RBBP8: variants seen among roughly 807,000 people sequenced by gnomAD.
RBBP8 encodes the protein DNA endonuclease RBBP8.
RBBP8 carries 88 observed loss-of-function variants against 108.3 expected under a neutral mutation model. That is an observed-to-expected ratio of 0.81 (90% confidence interval 0.68 to 0.97). RBBP8 has a LOEUF of 0.97. RBBP8 is among the 50% of genes least tolerant of loss of function. RBBP8 has a pLI of 0.00. For synonymous variants in RBBP8, 332 were observed against 348.2 expected, an observed-to-expected ratio of 0.95 and a Z score of 0.52; for missense variants, 1,023 against 1,049.0, an observed-to-expected ratio of 0.98 and a Z score of 0.34.
At chr18:23,006,336 T>C in intron 15 of RBBP8, 27 bp from the exon 16 acceptor site, 1 of 1,586,694 alleles carries the variant, frequency 6.3e-7, no homozygotes, top group Non-Finnish European at 8.7e-7. Flanking sequence ...CTACATTTAG[T>C]TTGTAATGTG....
rs1397183327 is a variant in RBBP8, at chr18:22,991,208, A to G, written c.920+159A>G. On this transcript the variant is annotated intron_variant, in intron 10 of 18. Transcript: ENST00000327155. ...AAATTGTCTCCCTAGTTTCTGACCA[A>G]TTGAGAGCTTTTTTGCATTACAGTA... Among the ~76,000 whole-genome samples the G allele has an allele frequency of 5.9e-5, 9 of 152,282 alleles. No individual in the cohort carries two copies. In the South Asian group the frequency reaches 8.3e-4, roughly 14 times the overall value.
At chr18:22,957,291 C>CTTT (rs11418623) in intron 4 of RBBP8, among the ~76,000 whole-genome samples, 952 of 92,862 alleles carry the variant, frequency 0.01, 35 homozygotes, top group South Asian at 0.032. Context: ...ATTACTTTTT[C>CTTT]TTTTTTTTTT....
intron 4 of RBBP8, among the ~76,000 whole-genome samples, chr18:22,961,546 C>T (rs560728442): frequency 3.1e-4 from 47 of 152,310 alleles, no homozygotes; most frequent in African/African-American, 1.1e-3. Context: ...GATGAGAGTG[C>T]CTTATTCTAA....
In RBBP8 at chr18:22,993,595, C is replaced by T; in HGVS notation, c.1768C>T (p.Pro590Ser). The T allele has an allele frequency of 1.2e-6, 2 of 1,614,170 alleles. No individual in the cohort carries two copies. Among genetic ancestry groups the T allele is most frequent in the Non-Finnish European group, 1.7e-6 (2 of 1,180,036 alleles). The part of the protein sequence containing the change: ...ENAVFKIPLR[P>S]RESLETENVL... ...TGCTGTCTTTAAAATTCCTCTACGT[C>T]CACGTGAAAGTTTGGAGACTGAGAA... The change falls in exon 11 of 19, where the codon CCA (proline) becomes TCA (serine). Residue 590 changes from proline to serine, a missense_variant. Physicochemically the swap from Pro to Ser is moderately conservative, Grantham distance 74. Coordinates refer to ENST00000327155, the MANE Select transcript of RBBP8 (RefSeq NM_002894.3).
chr18:22,971,534 C>T (rs1914080476), intron 5 of RBBP8, among the ~76,000 whole-genome samples: 1 of 151,966 alleles, frequency 6.6e-6, no homozygotes, highest in Non-Finnish European at 1.5e-5. Flanking sequence ...TCTTTCTGTA[C>T]CTCTTTTGCC....
rs1373967011 is a variant in RBBP8, at chr18:23,006,481, A to G, written c.2357+49A>G. On this transcript the variant is annotated intron_variant, in intron 16 of 18. Coordinates refer to ENST00000327155, the MANE Select transcript of RBBP8 (RefSeq NM_002894.3). ...AGCAATGTGACTGGAAGTACAATAG[A>G]GCTGTCTTTTATTTCTCTCTCTTTT... The G allele has an allele frequency of 1.4e-5, 20 of 1,394,956 alleles. 1 individual carries two copies. The highest frequency in any genetic ancestry group is 2.0e-5 in the Non-Finnish European group (20 of 981,758). 86.4% of individuals were successfully genotyped at this position (1,394,956 alleles called of 1,614,324 possible).
At position 23,016,916 on chromosome 18, in the gene RBBP8, T is replaced by C. The variant is rs1568005289; in HGVS notation, c.2446T>C (p.Cys816Arg). 2 of 1,610,822 alleles carry C rather than the reference T, an allele frequency of 1.2e-6. No homozygotes were observed. The highest frequency in any genetic ancestry group is 1.7e-6 in the Non-Finnish European group (2 of 1,177,170). Reference sequence around the variant, plus strand: ...ACTGCTTGGGCACACGTGTAAGGAATGTGAAATTGTAAGTACTAATGTAGA... The same window carrying C: ...ACTGCTTGGGCACACGTGTAAGGAACGTGAAATTGTAAGTACTAATGTAGA... ...RKLLGHTCKE[C>R]EIYYADMPAE... is the part of the protein sequence containing the mutation. Residue 816 changes from cysteine to arginine, a missense_variant, in exon 17 of 19, where the codon TGT (cysteine) becomes CGT (arginine). Coordinates refer to ENST00000327155, the MANE Select transcript of RBBP8 (RefSeq NM_002894.3).
chr18:23,003,982 G>A (rs531440326), intron 15 of RBBP8, among the ~76,000 whole-genome samples: 18 of 147,386 alleles, frequency 1.2e-4, no homozygotes, highest in South Asian at 6.5e-4. Context: ...GCGTGAACCC[G>A]GGAGGTGGAA....
intron 2 of RBBP8, 168 bp downstream of exon 2, chr18:22,937,128 G>A (rs1407138221): frequency 4.3e-6 from 6 of 1,383,666 alleles, no homozygotes; most frequent in Admixed American, 4.6e-5. Flanking sequence ...GGGGTTTGGT[G>A]TGCAAATGAT....
intron 12 of RBBP8, among the ~76,000 whole-genome samples, chr18:22,995,524 A>G (rs527784262): frequency 5.3e-5 from 8 of 152,264 alleles, no homozygotes; most frequent in Admixed American, 4.6e-4. Flanking sequence ...TACAACCATC[A>G]CTGTAGTCTA....
intron 2 of RBBP8, among the ~76,000 whole-genome samples, chr18:22,937,271 TA>T (rs1256579466): frequency 2.0e-5 from 3 of 151,234 alleles, no homozygotes; most frequent in Non-Finnish European, 4.4e-5. Context: ...CCATGTGTAC[TA>T]AATGTGTAGC....
At chr18:22,968,506 G>T (rs989233442) in intron 4 of RBBP8, among the ~76,000 whole-genome samples, 1 of 152,182 alleles carries the variant, frequency 6.6e-6, no homozygotes, top group African/African-American at 2.4e-5. Flanking sequence ...CTTGGTATTA[G>T]ACTAGGGTTC....
At chr18:22,942,547 A>G (rs1911188033) in intron 2 of RBBP8, among the ~76,000 whole-genome samples, 1 of 152,098 alleles carries the variant, frequency 6.6e-6, no homozygotes, top group Admixed American at 6.5e-5. Flanking sequence ...GAGTTTTTAT[A>G]TCCTTTAAGA....
chr18:22,985,350 A>G (rs577913588), intron 8 of RBBP8, among the ~76,000 whole-genome samples: 1 of 152,338 alleles, frequency 6.6e-6, no homozygotes, highest in Non-Finnish European at 1.5e-5. Context: ...TATGTCAGAT[A>G]GAAGCAAGTG....
At chr18:22,928,468 A>T (rs1212655027), upstream of RBBP8, among the ~76,000 whole-genome samples, 3 of 152,102 alleles carry the variant, frequency 2.0e-5, no homozygotes, top group Admixed American at 6.6e-5. Flanking sequence ...GATGAAGTGT[A>T]ACAAATGGGG....
At chr18:22,991,863 T>C (rs1294875032) in intron 10 of RBBP8, among the ~76,000 whole-genome samples, 3 of 152,224 alleles carry the variant, frequency 2.0e-5, no homozygotes, top group African/African-American at 4.8e-5. Flanking sequence ...TATATAGATA[T>C]CTATCTATCT....
At chr18:23,011,591 C>G (rs139445851) in intron 16 of RBBP8, among the ~76,000 whole-genome samples, 3,475 of 152,070 alleles carry the variant, frequency 0.023, 138 homozygotes, top group African/African-American at 0.08. Flanking sequence ...TGCCCGCCAC[C>G]ACGCCTGGCT....
intron 6 of RBBP8, chr18:22,977,885 A>G (rs1460385977): frequency 6.6e-6 from 1 of 152,140 alleles, no homozygotes; most frequent in Non-Finnish European, 1.5e-5. Flanking sequence ...TGTTTTCTCT[A>G]GAGTAAATAT....
In RBBP8 at chr18:23,025,884, G is replaced by A. The variant is rs375705337; in HGVS notation, c.2597-259G>A. The stretch of plus-strand genomic sequence containing the variant: ...CTCTATTACCTCATCTGTCAAACAG[G>A]TATAGTAGAAACTACTTCAAAGGAA... On this transcript the variant is annotated intron_variant, in intron 18 of 18. Transcript: ENST00000327155. Among the ~76,000 whole-genome samples the A allele has an allele frequency of 1.2e-4, 18 of 152,254 alleles. No homozygotes were observed. The South Asian group carries it at 3.7e-3, about 32-fold the overall frequency.
Sources: gnomAD v4.1 joint callset for allele counts (sites outside exome capture counted in the v4.1 genomes callset) on GRCh38, gnomAD v4.1.1 for gene constraint, MANE v1.5 for transcripts, NCBI Gene and HGNC (gene_info 2026-07-23, HGNC 2026-07-21) for gene names.